Variants in COL26A1 observed in about 807,000 individuals in gnomAD.
COL26A1 encodes the protein collagen type XXVI alpha 1 chain, also known as collagen alpha-1(XXVI) chain.
Under a neutral mutation model 59.3 loss-of-function variants are expected in COL26A1, and 41 were observed. The observed-to-expected ratio is 0.69, with a 90% CI of 0.54 to 0.90. The LOEUF (loss-of-function observed/expected upper bound fraction) is 0.90. COL26A1 is among the 40% of genes least tolerant of loss of function. The pLI, the probability that COL26A1 is intolerant of heterozygous loss-of-function variation, is 0.00. For synonymous variants in COL26A1, 266 were observed against 256.0 expected (o/e 1.04, Z -0.37); for missense variants, 612 against 602.3 (o/e 1.02, Z -0.17).
chr7:101,488,833 C>T (rs749124141), intron 3 of COL26A1, among the ~76,000 whole-genome samples: 2 of 152,260 alleles, frequency 1.3e-5, no homozygotes, highest in African/African-American at 2.4e-5. Flanking sequence ...TCCTGTCTAG[C>T]GCACTCTTCC....
At chr7:101,376,388 G>C (rs1292707338) in intron 1 of COL26A1, among the ~76,000 whole-genome samples, 2 of 152,140 alleles carry the variant, frequency 1.3e-5, no homozygotes, top group African/African-American at 4.8e-5. Context: ...GGTGCCTTTT[G>C]CCAGGGTGGT....
At chr7:101,391,430 A>G (rs916499198) in intron 1 of COL26A1, among the ~76,000 whole-genome samples, 11 of 152,180 alleles carry the variant, frequency 7.2e-5, no homozygotes, top group African/African-American at 2.7e-4. Flanking sequence ...AGAAGGTCCT[A>G]TTGGATGACA....
rs1436538269 is a variant in COL26A1, at chr7:101,399,997, G to A, written c.159-19980G>A. On this transcript the variant is annotated intron_variant, in intron 1 of 12. Coordinates refer to ENST00000313669, the MANE Select transcript of COL26A1 (RefSeq NM_001278563.3). ...CTCTGCTCTCAGGGAGAGAGAGACAGTCATGTCCGGGGGTGGTACAGTGGC... is the reference window on the plus strand; with the variant it reads ...CTCTGCTCTCAGGGAGAGAGAGACAATCATGTCCGGGGGTGGTACAGTGGC... 2.6e-5 allele frequency among the ~76,000 whole-genome samples: 4 copies of A among 152,210 alleles called. No individual in the cohort carries two copies. In the East Asian group the frequency reaches 7.7e-4, roughly 29 times the overall value.
chr7:101,387,736 T>TTATATATATATATATTTATA (rs1791615247), intron 1 of COL26A1, among the ~76,000 whole-genome samples: 1 of 106,938 alleles, frequency 9.4e-6, no homozygotes, highest in African/African-American at 3.8e-5. Flanking sequence ...TTTAATATAA[T>TTATATATATATATATTTATA]TATATATATA....
intron 3 of COL26A1, among the ~76,000 whole-genome samples, chr7:101,492,976 T>C (rs577869772): frequency 6.6e-6 from 1 of 152,210 alleles, no homozygotes; most frequent in East Asian, 1.9e-4. Flanking sequence ...ATCCTTCACT[T>C]TGGCCTCCTG....
intron 7 of COL26A1, among the ~76,000 whole-genome samples, chr7:101,546,270 T>A (rs1795733777): frequency 6.6e-6 from 1 of 152,194 alleles, no homozygotes; most frequent in Non-Finnish European, 1.5e-5. Context: ...ACATAGGGTC[T>A]GTTGCCCAGG....
rs1353409572 is a variant in COL26A1 at position 101,545,500 on chromosome 7, G to A, written c.856+10G>A. 1 of 1,594,522 alleles carries A rather than the reference G, an allele frequency of 6.3e-7. No individual in the cohort carries two copies. The highest frequency in any genetic ancestry group is 1.8e-5 in the Admixed American group (1 of 55,020). Reference sequence around the variant, plus strand: ...CCTACAGACAAAGACAGTGAGTAATGCCCCTGGGGGGCCAAGGGAGGGCTG... The same window carrying A: ...CCTACAGACAAAGACAGTGAGTAATACCCCTGGGGGGCCAAGGGAGGGCTG... On this transcript the variant is annotated intron_variant, in intron 7 of 12. Transcript: ENST00000313669.
rs1195238479 is a variant in COL26A1 at position 101,558,138 on chromosome 7, C to T, written c.*608C>T. 1 of 152,386 alleles carries T rather than the reference C, an allele frequency of 6.6e-6. No individual in the cohort carries two copies. The highest frequency in any genetic ancestry group is 1.5e-5 in the Non-Finnish European group (1 of 68,160). 9.4% of individuals were successfully genotyped at this position (152,386 alleles called of 1,614,324 possible). ...AGGGCTGCGGGGAGGCTGGGCCAGC[C>T]AGCCTGAGGGGGTAGGCAGGGTCCT... On this transcript the variant is annotated 3_prime_UTR_variant, in exon 13 of 13. Coordinates refer to ENST00000313669, the MANE Select transcript of COL26A1 (RefSeq NM_001278563.3).
chr7:101,455,028 A>AT (rs1343433495), intron 3 of COL26A1, among the ~76,000 whole-genome samples: 5 of 146,962 alleles, frequency 3.4e-5, no homozygotes, highest in African/African-American at 1.3e-4. Context: ...CTAAAACAAA[A>AT]TTTTTTCTTT....
intron 3 of COL26A1, among the ~76,000 whole-genome samples, chr7:101,496,067 C>T (rs147610864): frequency 1.5e-4 from 23 of 151,982 alleles, no homozygotes; most frequent in Non-Finnish European, 2.9e-4. Context: ...GGCAGCAAAG[C>T]GAGACCCTGT....
intron 2 of COL26A1, 51 bp from the exon 3 acceptor site, chr7:101,447,633 G>C: frequency 8.0e-7 from 1 of 1,249,926 alleles, no homozygotes; most frequent in Non-Finnish European, 1.1e-6. Context: ...AGTGGGGTCT[G>C]GAGGTGGGTG....
At chr7:101,362,835 C>G, upstream of COL26A1, 1 of 566,800 alleles carries the variant, frequency 1.8e-6, no homozygotes, top group South Asian at 2.2e-5. Flanking sequence ...TAGAGCCCAC[C>G]TCGCCGAATT....
intron 1 of COL26A1, among the ~76,000 whole-genome samples, chr7:101,400,662 G>A (rs564412676): frequency 1.3e-5 from 2 of 152,086 alleles, no homozygotes; most frequent in African/African-American, 2.4e-5. Context: ...AGGTTCAAAC[G>A]ATTCTTCTGC....
rs1163899499 is a variant in COL26A1 at position 101,456,168 on chromosome 7, A to ATAT, written c.385+8382_385+8383insATT. Among the ~76,000 whole-genome samples the ATAT allele has an allele frequency of 4.6e-3, 569 of 124,600 alleles. 2 individuals are homozygous for ATAT. Among genetic ancestry groups the ATAT allele is most frequent in the East Asian group, 0.03 (142 of 4,692 alleles). 81.7% of individuals were successfully genotyped at this position (124,600 alleles called of 152,430 possible). A position where few individuals can be genotyped will look rare whatever the true frequency, so the allele number is the denominator to read the frequency against. On this transcript the variant is annotated intron_variant, in intron 3 of 12. Transcript: ENST00000313669. ...TTACTGTAAGTATATATATATATAT[A>ATAT]TTTTTTTTTTAATGGAGATAAAATT...
At chr7:101,464,946 A>C (rs1793720908) in intron 3 of COL26A1, among the ~76,000 whole-genome samples, 1 of 151,652 alleles carries the variant, frequency 6.6e-6, no homozygotes, top group African/African-American at 2.4e-5. Context: ...TTCTGGCTCC[A>C]AGTGATCCTC....
intron 4 of COL26A1, among the ~76,000 whole-genome samples, chr7:101,537,311 G>C (rs1795501679): frequency 6.6e-6 from 1 of 152,182 alleles, no homozygotes; most frequent in South Asian, 2.1e-4. Flanking sequence ...TTTACTCTCT[G>C]ACCTCATGGA....
rs925865860 is a variant in COL26A1 at position 101,488,349 on chromosome 7, A to T, written c.385+40562A>T. Among the ~76,000 whole-genome samples the T allele has an allele frequency of 1.0e-4, 11 of 104,974 alleles. No homozygotes were observed. The East Asian group carries it at 1.4e-3, about 14-fold the overall frequency. 68.9% of individuals were successfully genotyped at this position (104,974 alleles called of 152,430 possible). A position where few individuals can be genotyped will look rare whatever the true frequency, so the allele number is the denominator to read the frequency against. On this transcript the variant is annotated intron_variant, in intron 3 of 12. Coordinates refer to ENST00000313669, the MANE Select transcript of COL26A1 (RefSeq NM_001278563.3). ...TTTTAATCCGTTTTTAATTTTATTT[A>T]ATATATATATATATATATATATATA...
intron 3 of COL26A1, among the ~76,000 whole-genome samples, chr7:101,511,115 G>T (rs1306204034): frequency 6.6e-6 from 1 of 151,292 alleles, no homozygotes; most frequent in Non-Finnish European, 1.5e-5. Context: ...TGTTAGCCAG[G>T]ATGGTCTCGA....
chr7:101,480,927 T>G (rs1351498898), intron 3 of COL26A1, among the ~76,000 whole-genome samples: 1 of 152,192 alleles, frequency 6.6e-6, no homozygotes, highest in Non-Finnish European at 1.5e-5. Context: ...GTCCGGATTG[T>G]GGAACCATTC....
Sources: gnomAD v4.1 joint callset for allele counts (sites outside exome capture counted in the v4.1 genomes callset) on GRCh38, gnomAD v4.1.1 for gene constraint, MANE v1.5 for transcripts, NCBI Gene and HGNC (gene_info 2026-07-23, HGNC 2026-07-21) for gene names.